The following PDE3A variants were observed in gnomAD, a reference collection of about 807,000 sequenced individuals.
The protein encoded by PDE3A is phosphodiesterase 3A, also known as cGMP-inhibited 3',5'-cyclic phosphodiesterase 3A.
Under a neutral mutation model 98.3 loss-of-function variants are expected in PDE3A, and 43 were observed. That is an observed-to-expected ratio of 0.44 (90% CI 0.34 to 0.56). The LOEUF (loss-of-function observed/expected upper bound fraction) is 0.56, where lower values mean the gene tolerates loss of function less well. Among genes scored for constraint, PDE3A ranks in the 20% least tolerant of loss-of-function variants. PDE3A has a pLI of 0.01. For synonymous variants in PDE3A, 663 were observed against 567.9 expected (o/e 1.17, Z -2.38); for missense variants, 1,427 against 1,440.7 (o/e 0.99, Z 0.15).
chr12:20,381,690 C>G (rs1943666621), intron 1 of PDE3A, among the ~76,000 whole-genome samples: 1 of 151,846 alleles, frequency 6.6e-6, no homozygotes. Flanking sequence ...TTATCATTTT[C>G]ACTTATACAT....
intron 15 of PDE3A, among the ~76,000 whole-genome samples, chr12:20,666,743 G>A (rs543336979): frequency 6.6e-6 from 1 of 152,070 alleles, no homozygotes; most frequent in Admixed American, 6.6e-5. Flanking sequence ...TAAATATGGG[G>A]GTGCAATTAT....
At chr12:20,438,368 T>G (rs1160773844) in intron 1 of PDE3A, among the ~76,000 whole-genome samples, 1 of 152,214 alleles carries the variant, frequency 6.6e-6, no homozygotes, top group African/African-American at 2.4e-5. Context: ...AGGGCTGTTA[T>G]GCTGTGTCCC....
At chr12:20,533,733 C>T (rs780673865) in intron 1 of PDE3A, among the ~76,000 whole-genome samples, 3 of 142,860 alleles carry the variant, frequency 2.1e-5, no homozygotes, top group Non-Finnish European at 3.1e-5. Context: ...GCCCCGCCCC[C>T]CTTTGGACTC....
In PDE3A at chr12:20,479,442, A is replaced by C. The variant is rs547676705; in HGVS notation, c.961-77218A>C. On this transcript the variant is annotated intron_variant, in intron 1 of 15. Transcript: ENST00000359062. ...TTACCTTTTTACCTAAATTTCTTTC[A>C]GTGTTTTCTTCTCTGCTATCCCTTG... Among the ~76,000 whole-genome samples the C allele has an allele frequency of 3.3e-4, 50 of 152,262 alleles. No individual in the cohort carries two copies. The Middle Eastern group carries it at 0.014, about 41-fold the overall frequency.
intron 1 of PDE3A, among the ~76,000 whole-genome samples, chr12:20,500,408 T>A (rs1219897192): frequency 6.6e-6 from 1 of 152,186 alleles, no homozygotes; most frequent in Admixed American, 6.5e-5. Flanking sequence ...TTGTGTACAT[T>A]GTTAAAAAGA....
rs752919295 is a variant in PDE3A at position 20,646,853 on chromosome 12, C to T, written c.2468C>T (p.Ala823Val). 2 of 1,612,796 alleles carry T rather than the reference C, an allele frequency of 1.2e-6. No individual in the cohort carries two copies. The highest frequency in any genetic ancestry group is 2.7e-5 in the African/African-American group (2 of 74,858). The change falls in exon 12 of 16, where the codon GCC (alanine) becomes GTC (valine). Residue 823 changes from alanine (A) to valine (V), a missense_variant. Ala to Val is a moderately conservative substitution (Grantham distance 64). Around this residue, in one of 3 missense-constraint regions of PDE3A, gnomAD observed 273 missense variants for 420.3 expected, o/e 0.65. Transcript: ENST00000359062. ...GGATGTCTGTCTGGGAATATCCCTG[C>T]CTTGGAGTTGATGGCGCTGTATGTG... is the stretch of plus-strand genomic sequence containing the variant. ...KYGCLSGNIP[A>V]LELMALYVAA...
rs571412833 is a variant in PDE3A at position 20,662,861 on chromosome 12, T to C, written c.3184+8656T>C. Among the ~76,000 whole-genome samples the C allele has an allele frequency of 3.3e-5, 5 of 152,246 alleles. No individual in the cohort carries two copies. In the East Asian group the frequency reaches 5.8e-4, roughly 18 times the overall value. ...TTTGCATAAGTAACAAGGAGCCAAATGTTAATCACCAAGACAATGGAGAAA... is the reference window on the plus strand; with the variant it reads ...TTTGCATAAGTAACAAGGAGCCAAACGTTAATCACCAAGACAATGGAGAAA... On this transcript the variant is annotated intron_variant, in intron 15 of 15. Coordinates refer to ENST00000359062, the MANE Select transcript of PDE3A (RefSeq NM_000921.5).
chr12:20,551,570 G>T lies in PDE3A; in HGVS notation c.961-5090G>T, dbSNP rs983483162. ...CTAACTAGTTACGCGACCCCCGAGC[G>T]GGTCTGCGCCTGCCACCTGTGCGGG... On this transcript the variant is annotated intron_variant, in intron 1 of 15. Transcript: ENST00000359062. 7 of 1,517,836 alleles carry T rather than the reference G, an allele frequency of 4.6e-6. No homozygotes were observed. The East Asian group carries it at 1.7e-4, about 37-fold the overall frequency. The allele number at this position is 1,517,836 out of a possible 1,614,324, so 94.0% of individuals were successfully genotyped here. A position where few individuals can be genotyped will look rare whatever the true frequency, so the allele number is the denominator to read the frequency against.
intron 1 of PDE3A, among the ~76,000 whole-genome samples, chr12:20,412,842 T>C (rs762378722): frequency 6.6e-6 from 1 of 152,192 alleles, no homozygotes. Context: ...TTGGCCTTAA[T>C]TTCCTCCTTT....
rs756518695 is a variant in PDE3A at position 20,556,642 on chromosome 12, T to C, written c.961-18T>C. 1 of 1,520,832 alleles carries C rather than the reference T, an allele frequency of 6.6e-7. No individual in the cohort carries two copies. The highest frequency in any genetic ancestry group is 1.7e-5 in the Admixed American group (1 of 59,482). The allele number at this position is 1,520,832 out of a possible 1,614,324, so 94.2% of individuals were successfully genotyped here. ...GGTAAAATAATCATTTAACTTATTA[T>C]AATTTTCATCTTTCCAGCTCATGGG... On this transcript the variant is annotated intron_variant, in intron 1 of 15. Transcript: ENST00000359062.
intron 1 of PDE3A, among the ~76,000 whole-genome samples, chr12:20,546,593 A>G (rs749011005): frequency 4.6e-5 from 7 of 152,046 alleles, no homozygotes; most frequent in African/African-American, 7.2e-5. Context: ...AAAGAATCCA[A>G]TCAAACATGC....
Position 20,687,923 on chromosome 12 carries a change from A to AAC in PDE3A, c.*7653_*7654insCA, listed in dbSNP as rs1409133315. Among the ~76,000 whole-genome samples the AAC allele has an allele frequency of 2.0e-5, 3 of 150,534 alleles. No homozygotes were observed. Among genetic ancestry groups the AAC allele is most frequent in the East Asian group, 3.9e-4 (2 of 5,140 alleles). On this transcript the variant is annotated 3_prime_UTR_variant, in exon 16 of 16. Coordinates refer to ENST00000359062, the MANE Select transcript of PDE3A (RefSeq NM_000921.5). ...TTACCTCTTCCCAACAGAAAAAAAAAAAAAAAAAAAAAAACTGGCATTGGC... is the reference window on the plus strand; with the variant it reads ...TTACCTCTTCCCAACAGAAAAAAAAAACAAAAAAAAAAAAAACTGGCATTGGC...
chr12:20,510,951 A>G (rs762844756), intron 1 of PDE3A, among the ~76,000 whole-genome samples: 24 of 152,084 alleles, frequency 1.6e-4, no homozygotes, highest in Non-Finnish European at 2.9e-4. Context: ...GAAGCAACCA[A>G]AAATGAAGTG....
chr12:20,545,547 A>G (rs1440377660), intron 1 of PDE3A, among the ~76,000 whole-genome samples: 6 of 152,070 alleles, frequency 3.9e-5, no homozygotes, highest in African/African-American at 7.2e-5. Flanking sequence ...TCAGGCTCTC[A>G]GTGATTTTTT....
At chr12:20,530,690 C>T (rs965718749) in intron 1 of PDE3A, among the ~76,000 whole-genome samples, 3 of 151,880 alleles carry the variant, frequency 2.0e-5, no homozygotes, top group African/African-American at 7.3e-5. Context: ...AACCATTTCC[C>T]CCTTTTCAAG....
intron 1 of PDE3A, among the ~76,000 whole-genome samples, chr12:20,521,249 A>T (rs968390250): frequency 6.6e-6 from 1 of 151,976 alleles, no homozygotes; most frequent in African/African-American, 2.4e-5. Context: ...AAATTTATAC[A>T]CATCTTTTGG....
chr12:20,465,279 C>T (rs1279564401), intron 1 of PDE3A, among the ~76,000 whole-genome samples: 4 of 151,968 alleles, frequency 2.6e-5, no homozygotes, highest in African/African-American at 7.3e-5. Context: ...GTTCATATTA[C>T]GTTGTTGGAT....
intron 14 of PDE3A, among the ~76,000 whole-genome samples, chr12:20,652,084 C>A (rs1294476827): frequency 5.9e-5 from 9 of 152,170 alleles, no homozygotes; most frequent in Non-Finnish European, 1.3e-4. Flanking sequence ...CATGTCCCTA[C>A]AAAGGACATG....
rs371385604 is a variant in PDE3A, at chr12:20,581,349, G to T, written c.1011+24639G>T. ...TGGTTTTGTTTTGTTTTGCTAAAGG[G>T]TCATCAAGCAGCACATGACTAAGTA... On this transcript the variant is annotated intron_variant, in intron 2 of 15. Transcript: ENST00000359062. Among the ~76,000 whole-genome samples the T allele has an allele frequency of 9.2e-5, 14 of 152,212 alleles. No homozygotes were observed. In the East Asian group the frequency reaches 2.1e-3, roughly 23 times the overall value.
Sources: gnomAD v4.1 joint callset for allele counts (sites outside exome capture counted in the v4.1 genomes callset) on GRCh38, gnomAD v4.1.1 for gene constraint, gnomAD v4.1.1 regional missense constraint, MANE v1.5 for transcripts, NCBI Gene and HGNC (gene_info 2026-07-23, HGNC 2026-07-21) for gene names.